Variants in PRDM10 observed in about 807,000 individuals in gnomAD.
PRDM10 encodes the protein PR domain zinc finger protein 10.
A neutral mutation model predicts 133.1 loss-of-function variants in PRDM10; 65 were observed. The observed-to-expected ratio is 0.49, with a 90% CI of 0.40 to 0.60. PRDM10 has a LOEUF of 0.60. Among genes scored for constraint, PRDM10 ranks in the 20% least tolerant of loss-of-function variants. The probability of loss-of-function intolerance (pLI) is 0.00; values close to 1 mark genes in which losing one functional copy is unlikely to be tolerated. For missense variants in PRDM10, 1,137 were observed against 1,507.1 expected (o/e 0.75, Z 4.07); for synonymous variants, 582 against 580.4 (o/e 1.00, Z -0.04).
chr11:129,915,086 A>G lies in PRDM10; in HGVS notation c.2527-68T>C, dbSNP rs192670392. 6 of 1,469,722 alleles carry G rather than the reference A, an allele frequency of 4.1e-6. No homozygotes were observed. The Admixed American group carries it at 1.3e-4, about 32-fold the overall frequency. 91.0% of individuals were successfully genotyped at this position (1,469,722 alleles called of 1,614,324 possible). ...GTGATTTTCCGTTTTTCTCATATGT[A>G]AATCCTCCAAAGATTCCTAAAGTCT... is the stretch of plus-strand genomic sequence containing the variant. On this transcript the variant is annotated intron_variant, in intron 16 of 20. Coordinates refer to ENST00000360871, the MANE Select transcript of PRDM10 (RefSeq NM_199437.2).
At chr11:129,928,366 A>G (rs1032825310) in intron 11 of PRDM10, among the ~76,000 whole-genome samples, 1 of 151,390 alleles carries the variant, frequency 6.6e-6, no homozygotes. Flanking sequence ...AAAGAAATCA[A>G]ACAATCATGT....
At chr11:129,950,054 G>A (rs1951543143) in intron 4 of PRDM10, among the ~76,000 whole-genome samples, 1 of 150,930 alleles carries the variant, frequency 6.6e-6, no homozygotes, top group African/African-American at 2.4e-5. Context: ...TGAGCAACAT[G>A]GTGAAACCCT....
rs975118660 is a variant in PRDM10 at position 129,923,485 on chromosome 11, G to A, written c.1879-82C>T. 4.7e-5 allele frequency: 67 copies of A among 1,425,376 alleles called. No homozygotes were observed. The highest frequency in any genetic ancestry group is 6.0e-5 in the Non-Finnish European group (64 of 1,071,960). The allele number at this position is 1,425,376 out of a possible 1,614,324, so 88.3% of individuals were successfully genotyped here. A position where few individuals can be genotyped will look rare whatever the true frequency, so the allele number is the denominator to read the frequency against. Reference sequence around the variant, plus strand: ...AAAGGCAGCTTGTCAACGCTAGAGGGAGCCAAACGCATTACCATGGGTTTT... The same window carrying A: ...AAAGGCAGCTTGTCAACGCTAGAGGAAGCCAAACGCATTACCATGGGTTTT... On this transcript the variant is annotated intron_variant, in intron 12 of 20. Coordinates refer to ENST00000360871, the MANE Select transcript of PRDM10 (RefSeq NM_199437.2). The surrounding 1 kb of genome is among the most constrained non-coding windows in gnomAD (Gnocchi z 4.4).
chr11:129,918,118 C>T lies in PRDM10; in HGVS notation c.2214+421G>A, dbSNP rs767378271. Among the ~76,000 whole-genome samples, 5 of 150,826 alleles carry T rather than the reference C, an allele frequency of 3.3e-5. No homozygotes were observed. Among genetic ancestry groups the T allele is most frequent in the East Asian group, 1.9e-4 (1 of 5,134 alleles). On this transcript the variant is annotated intron_variant, in intron 14 of 20. Transcript: ENST00000360871. This position sits in a 1 kb window ranked among gnomAD's most constrained non-coding sequence, Gnocchi z 5.3. ...TTCACTCCAGCCTGGGCAACAGGAG[C>T]GAAATTCTGTCTCAAAAATAAATAA...
At chr11:129,943,133 C>G (rs1248578868) in intron 6 of PRDM10, among the ~76,000 whole-genome samples, 1 of 152,190 alleles carries the variant, frequency 6.6e-6, no homozygotes, top group Non-Finnish European at 1.5e-5. Context: ...CTTCCCACTG[C>G]CCTTTCCTAG....
At position 129,960,889 on chromosome 11, in the gene PRDM10, T is replaced by C. The variant is rs200878584; in HGVS notation, c.69+7A>G. 10 of 1,614,072 alleles carry C rather than the reference T, an allele frequency of 6.2e-6. No homozygotes were observed. The Admixed American group carries it at 8.3e-5, about 13-fold the overall frequency. ...TCAATACCAAGCTGGAAAAGACCAG[T>C]CTTCACCTGTGCGGCATTCTGTTCA... On this transcript the variant is annotated splice_region_variant and intron_variant, in intron 2 of 20. Transcript: ENST00000360871.
chr11:129,925,242 C>G lies in PRDM10; in HGVS notation c.1531-13G>C, dbSNP rs752610347. ...GAAGAGCTGCATTCTGAAAGACATA[C>G]ACAAATGTGATCATTTAGTGATGAA... On this transcript the variant is annotated splice_polypyrimidine_tract_variant and intron_variant, in intron 11 of 20. Transcript: ENST00000360871. The G allele has an allele frequency of 8.2e-6, 13 of 1,584,700 alleles. No individual in the cohort carries two copies. Among genetic ancestry groups the G allele is most frequent in the Non-Finnish European group, 1.1e-5 (13 of 1,165,762 alleles).
chr11:129,923,665 A>AGAGAAT lies in PRDM10; in HGVS notation c.1879-263_1879-262insATTCTC, dbSNP rs1377311204. On this transcript the variant is annotated intron_variant, in intron 12 of 20. Transcript: ENST00000360871. The surrounding 1 kb of genome is among the most constrained non-coding windows in gnomAD (Gnocchi z 4.4). The stretch of plus-strand genomic sequence containing the variant: ...ACGTGAGAGAGAGAGAGAGAGAGAG[A>AGAGAAT]GAGAGAGAGAGAGAGAGAGAGAGAG... Among the ~76,000 whole-genome samples, 4 of 149,944 alleles carry AGAGAAT rather than the reference A, an allele frequency of 2.7e-5. No individual in the cohort carries two copies. Among genetic ancestry groups the AGAGAAT allele is most frequent in the Non-Finnish European group, 4.4e-5 (3 of 67,486 alleles).
chr11:129,963,482 CT>C (rs1196064100), intron 1 of PRDM10, among the ~76,000 whole-genome samples: 15 of 147,418 alleles, frequency 1.0e-4, no homozygotes, highest in African/African-American at 3.7e-4. Context: ...ATGTAGGAAA[CT>C]TTTTTTTTAA....
At chr11:129,927,279 C>T (rs369921702) in intron 11 of PRDM10, among the ~76,000 whole-genome samples, 4 of 150,498 alleles carry the variant, frequency 2.7e-5, no homozygotes, top group African/African-American at 7.3e-5. Context: ...CAGTAGCCAC[C>T]TCATCTTTTT....
intron 11 of PRDM10, among the ~76,000 whole-genome samples, chr11:129,930,436 T>C (rs1222068828): frequency 1.3e-5 from 2 of 152,202 alleles, no homozygotes; most frequent in Non-Finnish European, 2.9e-5. Context: ...TGCAGCCGCA[T>C]GGTCTGAGGC....
chr11:130,002,425 C>T (rs1393293685), intron 1 of PRDM10, among the ~76,000 whole-genome samples: 1 of 152,140 alleles, frequency 6.6e-6, no homozygotes, highest in Non-Finnish European at 1.5e-5. Flanking sequence ...GGGGCCTTGC[C>T]CTCTTCCCCT....
Position 129,912,578 on chromosome 11 carries a change from C to T in PRDM10, c.2842-353G>A, listed in dbSNP as rs371792147. Among the ~76,000 whole-genome samples the T allele has an allele frequency of 4.4e-3, 674 of 151,790 alleles. 6 individuals carry two copies. The highest frequency in any genetic ancestry group is 0.015 in the African/African-American group (638 of 41,400). On this transcript the variant is annotated intron_variant, in intron 17 of 20. Coordinates refer to ENST00000360871, the MANE Select transcript of PRDM10 (RefSeq NM_199437.2). ...CGTCCTGGCTAACATGGTGAAACCC[C>T]GTCTCTACTGAAAATACAAAAAAAT...
intron 1 of PRDM10, among the ~76,000 whole-genome samples, chr11:129,999,043 G>A (rs913882551): frequency 1.4e-4 from 21 of 151,870 alleles, no homozygotes; most frequent in African/African-American, 4.1e-4. Flanking sequence ...GACTGTTCTC[G>A]AACTCCTGGA....
intron 11 of PRDM10, among the ~76,000 whole-genome samples, chr11:129,928,558 T>A (rs1020086166): frequency 2.6e-5 from 4 of 151,868 alleles, no homozygotes; most frequent in African/African-American, 9.7e-5. Context: ...TCCACCTATT[T>A]TTTTGTATTT....
At chr11:129,968,169 AT>A (rs1951944303) in intron 1 of PRDM10, among the ~76,000 whole-genome samples, 1 of 152,238 alleles carries the variant, frequency 6.6e-6, no homozygotes, top group South Asian at 2.1e-4. Context: ...CTGTTGGTAC[AT>A]TATTAACCTC....
At chr11:129,984,091 C>A (rs1938266412) in intron 1 of PRDM10, among the ~76,000 whole-genome samples, 1 of 152,150 alleles carries the variant, frequency 6.6e-6, no homozygotes, top group Non-Finnish European at 1.5e-5. Context: ...CTAGGCTTCC[C>A]CTCCACCATC....
intron 2 of PRDM10, 101 bp downstream of exon 2, chr11:129,960,795 C>T (rs950952796): frequency 1.2e-5 from 15 of 1,242,492 alleles, no homozygotes; most frequent in African/African-American, 1.5e-5. Context: ...CGGCTCCTAA[C>T]GACTAGTCAC....
At chr11:129,942,044 C>T (rs1255810087) in intron 7 of PRDM10, among the ~76,000 whole-genome samples, 1 of 152,086 alleles carries the variant, frequency 6.6e-6, no homozygotes, top group African/African-American at 2.4e-5. Context: ...TACAGGCACC[C>T]GCCACCATGC....
Sources: gnomAD v4.1 joint callset for allele counts (sites outside exome capture counted in the v4.1 genomes callset) on GRCh38, gnomAD v4.1.1 for gene constraint, Gnocchi (gnomAD v3.1) non-coding constraint, MANE v1.5 for transcripts, NCBI Gene and HGNC (gene_info 2026-07-23, HGNC 2026-07-21) for gene names.